The following GTF3C1 variants were observed in gnomAD, a reference collection of about 807,000 sequenced individuals.
GTF3C1 encodes the protein general transcription factor 3C polypeptide 1.
GTF3C1 carries 57 observed loss-of-function variants against 226.7 expected under a neutral mutation model. The ratio of observed to expected loss-of-function variants is 0.25; its 90% CI spans 0.20 to 0.31. The LOEUF (loss-of-function observed/expected upper bound fraction) is 0.31. Ranked by LOEUF, GTF3C1 falls within the 10% of genes least tolerant of loss-of-function variation. The pLI is 1.00. For missense variants in GTF3C1, 2,217 were observed against 2,776.1 expected (o/e 0.80, Z 4.53); for synonymous variants, 1,090 against 1,084.8 (o/e 1.00, Z -0.09).
At chr16:27,488,495 CG>C (rs1178737015) in intron 22 of GTF3C1, 58 bp downstream of exon 22, 1 of 1,553,744 alleles carries the variant, frequency 6.4e-7, no homozygotes, top group African/African-American at 1.4e-5. Context: ...ATAGGGTAGT[CG>C]TTTAGGCCCT....
At chr16:27,532,912 T>C (rs749314530) in intron 5 of GTF3C1, among the ~76,000 whole-genome samples, 1 of 152,164 alleles carries the variant, frequency 6.6e-6, no homozygotes, top group Non-Finnish European at 1.5e-5. Flanking sequence ...GACAGAAGGA[T>C]ACTTGAGGTC....
At position 27,464,638 on chromosome 16, in the gene GTF3C1, G is replaced by A. The variant is rs1477927717; in HGVS notation, c.5554C>T (p.Pro1852Ser). The change falls in exon 34 of 37, where the codon CCT becomes TCT. Residue 1852 changes from proline (P) to serine (S), a missense_variant. By Grantham distance (74) the Pro-to-Ser change is moderately conservative (BLOSUM62 -1). Coordinates refer to ENST00000356183, the MANE Select transcript of GTF3C1 (RefSeq NM_001520.4). ...GTGCCCCGGGGGCTGTGAGAAGGAG[G>A]TGCCTGCCCCTCGGGGGGGCTGTCC... is the stretch of plus-strand genomic sequence containing the variant. The part of the protein sequence containing the change: ...SEDSPPEGQA[P>S]PSHSPRGTKR... 9.9e-6 allele frequency: 15 copies of A among 1,513,316 alleles called. No individual in the cohort carries two copies. Among genetic ancestry groups the A allele is most frequent in the East Asian group, 2.4e-5 (1 of 42,464 alleles). 93.7% of individuals were successfully genotyped at this position (1,513,316 alleles called of 1,614,324 possible).
rs763684612 is a variant in GTF3C1, at chr16:27,492,555, C to G, written c.2974-40G>C. 5.1e-6 allele frequency: 8 copies of G among 1,569,504 alleles called. No individual in the cohort carries two copies. The highest frequency in any genetic ancestry group is 7.0e-6 in the Non-Finnish European group (8 of 1,139,402). ...CAGACAGGGAGAACCCACATTGGGT[C>G]TGGCTGCTTGGAGACCGTTTAACAA... On this transcript the variant is annotated intron_variant, in intron 18 of 36. Coordinates refer to ENST00000356183, the MANE Select transcript of GTF3C1 (RefSeq NM_001520.4). The surrounding 1 kb of genome is among the most constrained non-coding windows in gnomAD (Gnocchi z 5.0).
At chr16:27,490,621 G>A (rs375389263) in intron 19 of GTF3C1, among the ~76,000 whole-genome samples, 2 of 152,134 alleles carry the variant, frequency 1.3e-5, no homozygotes, top group East Asian at 1.9e-4. Context: ...ATGGACCCTT[G>A]AAACTAACAA....
intron 23 of GTF3C1, among the ~76,000 whole-genome samples, chr16:27,487,297 T>C (rs1222961336): frequency 6.6e-6 from 1 of 152,236 alleles, no homozygotes; most frequent in Non-Finnish European, 1.5e-5. Flanking sequence ...CAGGTTCCTG[T>C]TTAAACATTC....
At chr16:27,508,382 A>G (rs951403752) in intron 8 of GTF3C1, among the ~76,000 whole-genome samples, 158 bp downstream of exon 8, 1 of 152,252 alleles carries the variant, frequency 6.6e-6, no homozygotes, top group Non-Finnish European at 1.5e-5. Context: ...AAGGCGAGAC[A>G]TAACATGGCT....
chr16:27,510,747 C>T (rs749578032), intron 7 of GTF3C1, among the ~76,000 whole-genome samples: 2 of 152,130 alleles, frequency 1.3e-5, no homozygotes, highest in South Asian at 2.1e-4. Context: ...GAGGCCACAC[C>T]GCCTGTGACA....
Position 27,537,765 on chromosome 16 carries a change from TG to T in GTF3C1, c.752+18del. The T allele has an allele frequency of 6.3e-7, 1 of 1,579,100 alleles. No homozygotes were observed. Among genetic ancestry groups the T allele is most frequent in the Admixed American group, 1.8e-5 (1 of 54,662 alleles). Reference sequence around the variant, plus strand: ...GCTGCAACTAAAAAACCTAATGTTTTGGTCACTACAAACCATACCTGTCCAC... The same window carrying T: ...GCTGCAACTAAAAAACCTAATGTTTTGTCACTACAAACCATACCTGTCCAC... On this transcript the variant is annotated intron_variant, in intron 4 of 36. Transcript: ENST00000356183.
chr16:27,545,545 T>A, intron 1 of GTF3C1, 22 bp from the exon 2 acceptor site: 1 of 1,377,732 alleles, frequency 7.3e-7, no homozygotes, highest in Admixed American at 1.7e-5. Context: ...AACACAAATA[T>A]CAAAGCCCAA....
intron 10 of GTF3C1, among the ~76,000 whole-genome samples, chr16:27,503,289 G>A (rs371359591): frequency 2.6e-5 from 4 of 152,332 alleles, no homozygotes; most frequent in East Asian, 3.9e-4. Flanking sequence ...GGTGGAAGGC[G>A]TTCCCTCAAT....
chr16:27,531,226 C>G (rs1434632964), intron 5 of GTF3C1, among the ~76,000 whole-genome samples: 1 of 152,240 alleles, frequency 6.6e-6, no homozygotes, highest in Non-Finnish European at 1.5e-5. Context: ...AGCCAGCACT[C>G]CAGTCCTTTC....
At chr16:27,484,170 G>A in intron 25 of GTF3C1, 41 bp downstream of exon 25, 2 of 1,484,382 alleles carry the variant, frequency 1.3e-6, no homozygotes, top group Non-Finnish European at 1.9e-6. Flanking sequence ...ACGGGATAAC[G>A]TAACCGTGTC....
At chr16:27,467,827 G>A (rs985371447) in intron 32 of GTF3C1, among the ~76,000 whole-genome samples, 2 of 152,152 alleles carry the variant, frequency 1.3e-5, no homozygotes, top group Non-Finnish European at 2.9e-5. Context: ...CTGAGATCAT[G>A]CCGCCGCACT....
rs1236835033 is a variant in GTF3C1 at position 27,549,687 on chromosome 16, G to C, written c.204C>G (p.Asp68Glu). 3 of 1,584,676 alleles carry C rather than the reference G, an allele frequency of 1.9e-6. No homozygotes were observed. Among genetic ancestry groups the C allele is most frequent in the Admixed American group, 3.6e-5 (2 of 55,690 alleles). Reference protein sequence around the residue: ...SFYEEPRERPDLQLQDRYEEI... With the variant: ...SFYEEPRERPELQLQDRYEEI... ...CCGCTGACCGGTCCTGGAGCTGTAG[G>C]TCGGGTCGCTCCCGAGGCTCCTCAT... The change falls in exon 1 of 37, where the codon GAC (aspartate) becomes GAG (glutamate). Residue 68 changes from aspartate to glutamate, a missense_variant. Around this residue, in one of 12 missense-constraint regions of GTF3C1, gnomAD observed 192 missense variants for 251.8 expected, o/e 0.76. Coordinates refer to ENST00000356183, the MANE Select transcript of GTF3C1 (RefSeq NM_001520.4).
chr16:27,478,514 A>G lies in GTF3C1; in HGVS notation c.4214T>C (p.Ile1405Thr), dbSNP rs2087988600. Reference protein sequence around the residue: ...ELFARYRVLAIGDEKDQTRKE... With the variant: ...ELFARYRVLATGDEKDQTRKE... ...CCTGGTTTGATCTTTTTCATCCCCAATTGCCAAAACTCGGTACCTGCAAAA... is the reference window on the plus strand; with the variant it reads ...CCTGGTTTGATCTTTTTCATCCCCAGTTGCCAAAACTCGGTACCTGCAAAA... The change falls in exon 28 of 37, where the codon ATT becomes ACT. Residue 1405 changes from isoleucine to threonine, a missense_variant. By Grantham distance (89) the Ile-to-Thr change is moderately conservative. Transcript: ENST00000356183. 4.3e-6 allele frequency: 7 copies of G among 1,612,266 alleles called. No individual in the cohort carries two copies. Among genetic ancestry groups the G allele is most frequent in the East Asian group, 2.2e-5 (1 of 44,870 alleles).
chr16:27,518,847 G>C (rs1399431380), intron 6 of GTF3C1, among the ~76,000 whole-genome samples: 1 of 152,170 alleles, frequency 6.6e-6, no homozygotes, highest in South Asian at 2.1e-4. Flanking sequence ...GTAAAATGAG[G>C]GTAATTCTAA....
At chr16:27,537,995 T>C in intron 3 of GTF3C1, 68 bp from the exon 4 acceptor site, 1 of 1,533,658 alleles carries the variant, frequency 6.5e-7, no homozygotes, top group South Asian at 1.2e-5. Flanking sequence ...AGTCTCTCAC[T>C]TGGACATAAA....
intron 23 of GTF3C1, 144 bp from the exon 24 acceptor site, chr16:27,486,298 A>T: frequency 1.9e-6 from 1 of 536,140 alleles, no homozygotes. Flanking sequence ...CTAAAGTCAC[A>T]TAAACTAACT....
chr16:27,522,851 T>C (rs912958584), intron 6 of GTF3C1, among the ~76,000 whole-genome samples: 1 of 152,228 alleles, frequency 6.6e-6, no homozygotes, highest in Non-Finnish European at 1.5e-5. Flanking sequence ...GTGAACAAAA[T>C]TGTTTTCTTA....
Sources: allele counts gnomAD v4.1 joint callset (sites outside exome capture counted in the v4.1 genomes callset), GRCh38; gene constraint gnomAD v4.1.1; regional missense constraint gnomAD v4.1.1; non-coding constraint Gnocchi (gnomAD v3.1); transcripts MANE v1.5; gene names NCBI Gene and HGNC (gene_info 2026-07-23, HGNC 2026-07-21).